VIPR2: variants seen among roughly 807,000 people sequenced by gnomAD.
The protein encoded by VIPR2 is vasoactive intestinal polypeptide receptor 2.
A neutral mutation model predicts 58.0 loss-of-function variants in VIPR2; 48 were observed. That is an observed-to-expected ratio of 0.83 (90% CI 0.66 to 1.05). VIPR2 has a LOEUF of 1.05. VIPR2 is among the 50% of genes least tolerant of loss of function. The probability of loss-of-function intolerance (pLI) is 0.00; values close to 1 mark genes in which losing one functional copy is unlikely to be tolerated. For missense variants in VIPR2, 534 were observed against 558.0 expected (o/e 0.96, Z 0.43); for synonymous variants, 243 against 235.2 (o/e 1.03, Z -0.30).
intron 4 of VIPR2, among the ~76,000 whole-genome samples, chr7:159,069,631 C>G (rs770955583): frequency 1.3e-4 from 20 of 152,268 alleles, no homozygotes; most frequent in African/African-American, 4.6e-4. Flanking sequence ...CTGTCCCTCT[C>G]TCTGCCTGCA....
chr7:159,063,237 G>C (rs1051995566), intron 4 of VIPR2, among the ~76,000 whole-genome samples: 2 of 146,430 alleles, frequency 1.4e-5, no homozygotes, highest in Admixed American at 6.7e-5. Flanking sequence ...CGGCGGGGTG[G>C]GGGGAGACTC....
chr7:159,090,454 CGGTG>C lies in VIPR2; in HGVS notation c.357+13299_357+13302del, dbSNP rs1457348172. 7.0e-5 allele frequency among the ~76,000 whole-genome samples: 5 copies of C among 71,612 alleles called. 1 individual carries two copies. Among genetic ancestry groups the C allele is most frequent in the African/African-American group, 3.8e-4 (4 of 10,598 alleles). The allele number at this position is 71,612 out of a possible 152,430, so 47.0% of individuals were successfully genotyped here. ...CACCTATTGTGACTATCACAATCCC[CGGTG>C]ACCTCAGCACAGACACGCTGGGATC... is the stretch of plus-strand genomic sequence containing the variant. On this transcript the variant is annotated intron_variant, in intron 4 of 12. Coordinates refer to ENST00000262178, the MANE Select transcript of VIPR2 (RefSeq NM_003382.5).
chr7:159,063,135 G>A (rs900315136), intron 4 of VIPR2, among the ~76,000 whole-genome samples: 3 of 152,238 alleles, frequency 2.0e-5, no homozygotes, highest in African/African-American at 7.2e-5. Flanking sequence ...GTTTTGCGCT[G>A]CGTGCCCGCA....
rs534667458 is a variant in VIPR2, at chr7:159,031,212, C to T, written c.1144-423G>A. Reference sequence around the variant, plus strand: ...GGATGAGTGAGGGGTGCCCGGACGGCAGAGGAGGGAGGAGGACAAGTGGCA... The same window carrying T: ...GGATGAGTGAGGGGTGCCCGGACGGTAGAGGAGGGAGGAGGACAAGTGGCA... On this transcript the variant is annotated intron_variant, in intron 12 of 12. Transcript: ENST00000262178. The surrounding 1 kb of genome is among the most constrained non-coding windows in gnomAD (Gnocchi z 4.0). Among the ~76,000 whole-genome samples, 6 of 152,118 alleles carry T rather than the reference C, an allele frequency of 3.9e-5. No individual in the cohort carries two copies. Among genetic ancestry groups the T allele is most frequent in the African/African-American group, 1.4e-4 (6 of 41,498 alleles).
At chr7:159,058,031 G>A (rs1855421113) in intron 5 of VIPR2, among the ~76,000 whole-genome samples, 1 of 152,164 alleles carries the variant, frequency 6.6e-6, no homozygotes, top group Admixed American at 6.5e-5. Context: ...GCACAGACAA[G>A]TTAAGTACTT....
chr7:159,044,430 AAATAAT>A (rs560113657), intron 5 of VIPR2, among the ~76,000 whole-genome samples: 46 of 152,158 alleles, frequency 3.0e-4, no homozygotes, highest in African/African-American at 1.1e-3. Context: ...ATAAAGCAAA[AAATAAT>A]AATAAGAAAA....
chr7:159,119,576 T>G (rs1203404011), intron 2 of VIPR2, among the ~76,000 whole-genome samples: 1 of 152,220 alleles, frequency 6.6e-6, no homozygotes, highest in Admixed American at 6.5e-5. Flanking sequence ...CCCAACGCTC[T>G]GACATGGGAG....
chr7:159,031,834 G>A lies in VIPR2; in HGVS notation c.1137C>T (p.Asn379=), dbSNP rs763870258. 1 of 1,614,028 alleles carries A rather than the reference G, an allele frequency of 6.2e-7. No homozygotes were observed. The highest frequency in any genetic ancestry group is 8.5e-7 in the Non-Finnish European group (1 of 1,180,026). ...AAGGCGGCCATGAACTTACCTCACT[G>A]TTCAGGAAACAGTAGAGGACGGCCA... ...LVVAVLYCFL[N]SEVQCELKRK... The change falls in exon 12 of 13, where the codon AAC becomes AAT. Residue 379 remains asparagine (N), a synonymous_variant. Coordinates refer to ENST00000262178, the MANE Select transcript of VIPR2 (RefSeq NM_003382.5). The surrounding 1 kb of genome is among the most constrained non-coding windows in gnomAD (Gnocchi z 4.0).
At position 159,093,484 on chromosome 7, in the gene VIPR2, C is replaced by G. The variant is rs1291928107; in HGVS notation, c.357+10273G>C. Among the ~76,000 whole-genome samples the G allele has an allele frequency of 1.3e-5, 2 of 152,218 alleles. No individual in the cohort carries two copies. Among genetic ancestry groups the G allele is most frequent in the Admixed American group, 6.5e-5 (1 of 15,294 alleles). On this transcript the variant is annotated intron_variant, in intron 4 of 12. Coordinates refer to ENST00000262178, the MANE Select transcript of VIPR2 (RefSeq NM_003382.5). The surrounding 1 kb of genome is among the most constrained non-coding windows in gnomAD (Gnocchi z 6.7). ...GGAAGTGAGGAGCCTCTCCAACTCA[C>G]TCAGGGGAGATTTTTAAAAATAGTC...
intron 4 of VIPR2, among the ~76,000 whole-genome samples, chr7:159,075,896 C>T (rs1052335888): frequency 2.0e-5 from 3 of 152,210 alleles, no homozygotes; most frequent in African/African-American, 7.2e-5. Flanking sequence ...GGGCCGGCAC[C>T]CAAGGACCTA....
intron 2 of VIPR2, among the ~76,000 whole-genome samples, chr7:159,136,498 G>A (rs1267690023): frequency 1.3e-5 from 2 of 152,020 alleles, no homozygotes; most frequent in African/African-American, 2.4e-5. Flanking sequence ...GCATGAAAGC[G>A]CACATTAGTG....
chr7:159,111,391 T>C (rs965532752), intron 2 of VIPR2, among the ~76,000 whole-genome samples: 45 of 152,286 alleles, frequency 3.0e-4, no homozygotes, highest in East Asian at 3.9e-4. Context: ...ACCTTGATAA[T>C]AGTAATGGCT....
chr7:159,078,243 G>C (rs575568680), intron 4 of VIPR2, among the ~76,000 whole-genome samples: 1 of 152,214 alleles, frequency 6.6e-6, no homozygotes, highest in South Asian at 2.1e-4. Flanking sequence ...GCTTCCCTCT[G>C]AACTGAGAGA....
intron 5 of VIPR2, among the ~76,000 whole-genome samples, chr7:159,052,996 A>T (rs946013757): frequency 2.6e-5 from 4 of 152,254 alleles, no homozygotes; most frequent in African/African-American, 9.6e-5. Context: ...CACCACTTCT[A>T]TTCAACATTG....
intron 4 of VIPR2, among the ~76,000 whole-genome samples, chr7:159,101,808 C>A (rs56097167): frequency 9.5e-6 from 1 of 104,862 alleles, no homozygotes; most frequent in African/African-American, 3.9e-5. Context: ...CCGACGAGGC[C>A]GTTCCCCCGA....
chr7:159,084,787 T>TG (rs781040669), intron 4 of VIPR2, among the ~76,000 whole-genome samples: 1 of 152,194 alleles, frequency 6.6e-6, no homozygotes, highest in East Asian at 1.9e-4. Flanking sequence ...GGCCGCCAGT[T>TG]GCCAGTCTCA....
At chr7:159,038,989 A>C (rs1212862971) in intron 6 of VIPR2, among the ~76,000 whole-genome samples, 1 of 152,226 alleles carries the variant, frequency 6.6e-6, no homozygotes, top group Non-Finnish European at 1.5e-5. Flanking sequence ...AGTTCTCAGC[A>C]GGTGCGCTGC....
At chr7:159,057,525 C>G (rs907864846) in intron 5 of VIPR2, among the ~76,000 whole-genome samples, 3 of 152,200 alleles carry the variant, frequency 2.0e-5, no homozygotes, top group Non-Finnish European at 4.4e-5. Context: ...AAGTATGGAT[C>G]TCCTAATGGA....
intron 2 of VIPR2, among the ~76,000 whole-genome samples, chr7:159,117,872 G>A (rs1228920486): frequency 3.9e-5 from 6 of 152,186 alleles, no homozygotes; most frequent in African/African-American, 1.4e-4. Flanking sequence ...AAGGAAAGCT[G>A]AGAAGCAAAG....
Sources: gnomAD v4.1 joint callset for allele counts (sites outside exome capture counted in the v4.1 genomes callset) on GRCh38, gnomAD v4.1.1 for gene constraint, Gnocchi (gnomAD v3.1) non-coding constraint, MANE v1.5 for transcripts, NCBI Gene and HGNC (gene_info 2026-07-23, HGNC 2026-07-21) for gene names.